The following MS4A6A variants were observed in gnomAD, a reference collection of about 807,000 sequenced individuals.
MS4A6A encodes membrane-spanning 4-domains subfamily A member 6A.
In MS4A6A, 19 loss-of-function variants were observed where a neutral mutation model predicts 20.6. The observed-to-expected ratio is 0.92, with a 90% CI of 0.64 to 1.36. The LOEUF (loss-of-function observed/expected upper bound fraction) is 1.36, where lower values mean the gene tolerates loss of function less well. Among genes scored for constraint, MS4A6A ranks in the 40% most tolerant of loss-of-function variants. The pLI is 0.00. For synonymous variants in MS4A6A, 108 were observed against 105.0 expected (o/e 1.03, Z -0.17); for missense variants, 272 against 261.1 (o/e 1.04, Z -0.29).
intron 3 of MS4A6A, chr11:60,178,902 C>G: frequency 2.5e-6 from 1 of 398,892 alleles, no homozygotes; most frequent in South Asian, 1.9e-5. Context: ...CAGCGCTACC[C>G]AAAACTATCA....
chr11:60,174,821 A>G (rs1856754271), intron 5 of MS4A6A, among the ~76,000 whole-genome samples: 1 of 152,142 alleles, frequency 6.6e-6, no homozygotes. Flanking sequence ...TCCTGATTTA[A>G]TATATCACAC....
At chr11:60,172,262 A>T (rs1032133136), downstream of MS4A6A, 4 of 1,609,844 alleles carry the variant, frequency 2.5e-6, no homozygotes, top group African/African-American at 5.5e-5. Flanking sequence ...CTCTAGAAGA[A>T]ACAAAATATG....
In MS4A6A at chr11:60,172,691, G is replaced by A; in HGVS notation, c.*310C>T. On this transcript the variant is annotated 3_prime_UTR_variant, in exon 6 of 6. Coordinates refer to ENST00000528851, the MANE Select transcript of MS4A6A (RefSeq NM_022349.4). ...TCTGCTTATAAGGGAGGCAAGCCAG[G>A]TTCTAGTGTCCTCAGCAAAGGCACA... The A allele has an allele frequency of 5.9e-6, 7 of 1,193,706 alleles. No individual in the cohort carries two copies. The highest frequency in any genetic ancestry group is 7.4e-6 in the Non-Finnish European group (7 of 950,906). 73.9% of individuals were successfully genotyped at this position (1,193,706 alleles called of 1,614,324 possible).
rs143440580 is a variant in MS4A6A at position 60,172,798 on chromosome 11, A to C, written c.*203T>G. ...GCTGACAAAATAGGAAGATTGAATC[A>C]GTTGATTTCTCATGATTAACTATTT... On this transcript the variant is annotated 3_prime_UTR_variant, in exon 6 of 6. Transcript: ENST00000528851. 7,510 of 1,352,502 alleles carry C rather than the reference A, an allele frequency of 5.6e-3. 33 individuals carry two copies. Among genetic ancestry groups the C allele is most frequent in the Non-Finnish European group, 6.2e-3 (6,472 of 1,046,646 alleles). 83.8% of individuals were successfully genotyped at this position (1,352,502 alleles called of 1,614,324 possible). A position where few individuals can be genotyped will look rare whatever the true frequency, so the allele number is the denominator to read the frequency against.
chr11:60,176,578 C>T (rs914058023), intron 4 of MS4A6A, among the ~76,000 whole-genome samples: 2 of 152,132 alleles, frequency 1.3e-5, no homozygotes, highest in Non-Finnish European at 2.9e-5. Context: ...CACAGCCATA[C>T]AGTAGAATGT....
chr11:60,181,190 C>T (rs188675704), intron 2 of MS4A6A: 1 of 381,746 alleles, frequency 2.6e-6, no homozygotes, highest in East Asian at 7.1e-5. Flanking sequence ...TATATTTCCT[C>T]TAATTTGCAG....
Position 60,172,743 on chromosome 11 carries a change from C to T in MS4A6A, c.*258G>A, listed in dbSNP as rs1856643290. On this transcript the variant is annotated 3_prime_UTR_variant, in exon 6 of 6. Coordinates refer to ENST00000528851, the MANE Select transcript of MS4A6A (RefSeq NM_022349.4). ...ACTCATAGCATAATGCCAGGCCAGT[C>T]ATTTAACTTCCCAGAGTCTCATTCC... 7.9e-7 allele frequency: 1 copy of T among 1,259,374 alleles called. No individual in the cohort carries two copies. The highest frequency in any genetic ancestry group is 1.0e-6 in the Non-Finnish European group (1 of 988,390). 78.0% of individuals were successfully genotyped at this position (1,259,374 alleles called of 1,614,324 possible).
In MS4A6A at chr11:60,181,404, A is replaced by G. The variant is rs537623302; in HGVS notation, c.147+177T>C. The G allele has an allele frequency of 2.0e-5, 13 of 647,886 alleles. No homozygotes were observed. In the South Asian group the frequency reaches 2.5e-4, roughly 12 times the overall value. 40.1% of individuals were successfully genotyped at this position (647,886 alleles called of 1,614,324 possible). On this transcript the variant is annotated intron_variant, in intron 2 of 5. Coordinates refer to ENST00000528851, the MANE Select transcript of MS4A6A (RefSeq NM_022349.4). ...CAGAATAAGGGAAAATATATTTTTA[A>G]GACAACCTCTTGTGGAAAAGTTCTG... is the stretch of plus-strand genomic sequence containing the variant.
At chr11:60,177,404 C>T (rs1565100699) in intron 4 of MS4A6A, 1 of 152,094 alleles carries the variant, frequency 6.6e-6, no homozygotes, top group Non-Finnish European at 1.5e-5. Context: ...ACATAATCTC[C>T]AACATCAACC....
intron 5 of MS4A6A, among the ~76,000 whole-genome samples, chr11:60,174,874 C>T (rs765101915): frequency 1.8e-4 from 27 of 151,332 alleles, no homozygotes; most frequent in Non-Finnish European, 3.4e-4. Flanking sequence ...GTTGCATTCT[C>T]ACCTGATCAG....
At chr11:60,178,209 C>G (rs754722481) in intron 4 of MS4A6A, 51 bp downstream of exon 4, 1 of 1,506,592 alleles carries the variant, frequency 6.6e-7, no homozygotes, top group South Asian at 1.1e-5. Flanking sequence ...AGAGTTCTGT[C>G]TAAGTTTTAT....
intron 4 of MS4A6A, among the ~76,000 whole-genome samples, chr11:60,176,512 A>T (rs1234142200): frequency 6.6e-6 from 1 of 152,130 alleles, no homozygotes; most frequent in African/African-American, 2.4e-5. Context: ...AAGAGAATTG[A>T]GCTAAGAGTA....
At chr11:60,173,426 G>A (rs572862693) in intron 5 of MS4A6A, among the ~76,000 whole-genome samples, 50 of 152,140 alleles carry the variant, frequency 3.3e-4, no homozygotes, top group Non-Finnish European at 6.6e-4. Context: ...TTGTTCACTC[G>A]GTAAGAAAGC....
At position 60,175,506 on chromosome 11, in the gene MS4A6A, A is replaced by G. The variant is rs746847323; in HGVS notation, c.445T>C (p.Cys149Arg). The change falls in exon 5 of 6, where the codon TGT becomes CGT. Residue 149 changes from cysteine to arginine, a missense_variant. Physicochemically the swap from Cys to Arg is radical, Grantham distance 180. Transcript: ENST00000528851. ...QATLNPASLQ[C>R]ELDKNNIPTR... ...GGTATATTATTTTTGTCCAACTCAC[A>G]CTGCAGTGAGGCAGGATTTAAGGTG... 1 of 1,614,122 alleles carries G rather than the reference A, an allele frequency of 6.2e-7. No individual in the cohort carries two copies. The highest frequency in any genetic ancestry group is 8.5e-7 in the Non-Finnish European group (1 of 1,179,976).
At chr11:60,174,210 G>T (rs1213890977) in intron 5 of MS4A6A, among the ~76,000 whole-genome samples, 1 of 152,134 alleles carries the variant, frequency 6.6e-6, no homozygotes, top group Non-Finnish European at 1.5e-5. Flanking sequence ...TATAATGAGT[G>T]CTATACAAAC....
At chr11:60,178,835 A>T in intron 3 of MS4A6A, 1 of 411,920 alleles carries the variant, frequency 2.4e-6, no homozygotes, top group Non-Finnish European at 4.9e-6. Context: ...TACTCTAAAC[A>T]TCAAAAAAAA....
chr11:60,172,152 T>C, downstream of MS4A6A: 1 of 1,608,588 alleles, frequency 6.2e-7, no homozygotes, highest in Non-Finnish European at 8.5e-7. Context: ...ATTTCTCCCT[T>C]TTTTCTTAAG....
At chr11:60,181,418 G>A in intron 2 of MS4A6A, 163 bp downstream of exon 2, 1 of 705,018 alleles carries the variant, frequency 1.4e-6, no homozygotes, top group Middle Eastern at 4.0e-4. Context: ...AACCTCTTGT[G>A]GAAAAGTTCT....
At position 60,181,667 on chromosome 11, in the gene MS4A6A, A is replaced by G. The variant is rs1857142815; in HGVS notation, c.61T>C (p.Phe21Leu). The change falls in exon 2 of 6, where the codon TTC becomes CTC. Residue 21 changes from phenylalanine to leucine, a missense_variant. Transcript: ENST00000528851. ...IIVLPSNVINFSQAEKPEPTN... is the reference protein window; with the variant it reads ...IIVLPSNVINLSQAEKPEPTN... ...GGTTCGGGTTTCTCTGCTTGGGAGA[A>G]GTTGATGACATTTGATGGGAGCACT... 2 of 1,614,002 alleles carry G rather than the reference A, an allele frequency of 1.2e-6. No homozygotes were observed. The highest frequency in any genetic ancestry group is 1.7e-5 in the Admixed American group (1 of 59,988).
Sources: gnomAD v4.1 joint callset for allele counts (sites outside exome capture counted in the v4.1 genomes callset) on GRCh38, gnomAD v4.1.1 for gene constraint, MANE v1.5 for transcripts, NCBI Gene and HGNC (gene_info 2026-07-23, HGNC 2026-07-21) for gene names.